The following USP28 variants were observed in gnomAD, a reference collection of about 807,000 sequenced individuals.
The protein encoded by USP28 is ubiquitin specific peptidase 28.
In USP28, 113 loss-of-function variants were observed where a neutral mutation model predicts 145.0. That is an observed-to-expected ratio of 0.78 (90% CI 0.67 to 0.91). The LOEUF (loss-of-function observed/expected upper bound fraction) is 0.91, where lower values mean the gene tolerates loss of function less well. Among genes scored for constraint, USP28 ranks in the 40% least tolerant of loss-of-function variants. The pLI is 0.00. For missense variants in USP28, 1,201 were observed against 1,289.6 expected (o/e 0.93, Z 1.05); for synonymous variants, 447 against 450.9 (o/e 0.99, Z 0.11).
chr11:113,824,354 G>A (rs913493107), intron 11 of USP28, among the ~76,000 whole-genome samples: 5 of 151,886 alleles, frequency 3.3e-5, no homozygotes, highest in Non-Finnish European at 5.9e-5. Flanking sequence ...AGTCTCACTC[G>A]TCACCCAGGC....
chr11:113,869,874 A>C (rs1490841375), intron 1 of USP28, among the ~76,000 whole-genome samples: 1 of 152,136 alleles, frequency 6.6e-6, no homozygotes, highest in African/African-American at 2.4e-5. Flanking sequence ...CAGGATTAGA[A>C]ATGTAGATTT....
chr11:113,856,595 T>G (rs552100713), intron 1 of USP28, among the ~76,000 whole-genome samples: 111 of 152,350 alleles, frequency 7.3e-4, no homozygotes, highest in African/African-American at 2.6e-3. Flanking sequence ...ACAAAGTTAC[T>G]GCTGATAAGG....
At chr11:113,874,603 G>A (rs1218672580) in intron 1 of USP28, 1 of 1,288,232 alleles carries the variant, frequency 7.8e-7, no homozygotes, top group Non-Finnish European at 1.0e-6. Context: ...CAGATTTCCC[G>A]TTTTCTCTTG....
chr11:113,826,336 C>CTTT lies in USP28; in HGVS notation c.1187+896_1187+897insAAA, dbSNP rs1565394775. Among the ~76,000 whole-genome samples, 131 of 115,192 alleles carry CTTT rather than the reference C, an allele frequency of 1.1e-3. 3 individuals carry two copies. Among genetic ancestry groups the CTTT allele is most frequent in the African/African-American group, 4.1e-3 (129 of 31,712 alleles). 75.6% of individuals were successfully genotyped at this position (115,192 alleles called of 152,430 possible). On this transcript the variant is annotated intron_variant, in intron 11 of 24. Transcript: ENST00000003302. ...GAAAAGAAAATCAAGCCACCACACC[C>CTTT]ATTTTTTTTTTTTTTTTTTTTTTTT...
At chr11:113,808,516 T>C in intron 17 of USP28, 79 bp from the exon 18 acceptor site, 3 of 1,505,542 alleles carry the variant, frequency 2.0e-6, no homozygotes, top group Non-Finnish European at 2.7e-6. Context: ...AAGCAGAATG[T>C]ATACAGTTTA....
chr11:113,797,961 A>G (rs1028054981), exon 25 of USP28: 4 of 152,338 alleles, frequency 2.6e-5, no homozygotes, highest in African/African-American at 9.7e-5. Context: ...AATCTTTAAA[A>G]TTTGGTTAAA....
intron 1 of USP28, among the ~76,000 whole-genome samples, chr11:113,857,303 T>G (rs1467477214): frequency 6.6e-6 from 1 of 152,188 alleles, no homozygotes; most frequent in Non-Finnish European, 1.5e-5. Context: ...CCCTTCTGGG[T>G]TGCATAAAGC....
chr11:113,859,963 T>C (rs1352303450), intron 1 of USP28, among the ~76,000 whole-genome samples: 2 of 152,200 alleles, frequency 1.3e-5, no homozygotes, highest in Non-Finnish European at 2.9e-5. Flanking sequence ...TGCTACTCAG[T>C]GGTTTTGGTG....
At chr11:113,855,615 T>C (rs986684555) in intron 1 of USP28, among the ~76,000 whole-genome samples, 2 of 152,078 alleles carry the variant, frequency 1.3e-5, no homozygotes, top group Admixed American at 1.3e-4. Context: ...AACTGAAACA[T>C]CCCTCTAAAG....
chr11:113,826,773 G>C (rs919364940), intron 11 of USP28, among the ~76,000 whole-genome samples: 17 of 151,896 alleles, frequency 1.1e-4, no homozygotes, highest in Non-Finnish European at 1.5e-5. Context: ...TATAAAATTA[G>C]CCGGGTGTGG....
At chr11:113,855,362 T>C (rs1388420107) in intron 1 of USP28, among the ~76,000 whole-genome samples, 3 of 152,218 alleles carry the variant, frequency 2.0e-5, no homozygotes, top group African/African-American at 7.2e-5. Context: ...AACAACTGGC[T>C]GGCCCAACTT....
exon 25 of USP28, chr11:113,798,029 C>T (rs1404372147): frequency 6.9e-6 from 1 of 144,596 alleles, no homozygotes; most frequent in Non-Finnish European, 1.5e-5. Flanking sequence ...TTTTTCTCTA[C>T]ATATACATAT....
At chr11:113,801,976 AC>A (rs1939112530) in intron 23 of USP28, among the ~76,000 whole-genome samples, 1 of 152,160 alleles carries the variant, frequency 6.6e-6, no homozygotes. Flanking sequence ...TCAACCAAAG[AC>A]CTGTTCACTG....
chr11:113,866,287 G>A (rs1196616491), intron 1 of USP28, among the ~76,000 whole-genome samples: 2 of 151,976 alleles, frequency 1.3e-5, no homozygotes, highest in African/African-American at 4.8e-5. Context: ...GCCAGACTCT[G>A]TCTTGGGGAA....
intron 1 of USP28, among the ~76,000 whole-genome samples, chr11:113,873,457 G>C (rs1337009526): frequency 6.6e-6 from 1 of 152,126 alleles, no homozygotes; most frequent in Non-Finnish European, 1.5e-5. Flanking sequence ...ACATACAAAT[G>C]CTCATCAAGT....
intron 1 of USP28, among the ~76,000 whole-genome samples, chr11:113,869,469 A>G (rs1217833660): frequency 6.6e-6 from 1 of 152,030 alleles, no homozygotes; most frequent in Non-Finnish European, 1.5e-5. Context: ...GTGGTGGTGC[A>G]TACCTGTGGT....
At chr11:113,849,331 G>A (rs898016819) in intron 3 of USP28, among the ~76,000 whole-genome samples, 13 of 152,228 alleles carry the variant, frequency 8.5e-5, no homozygotes, top group Admixed American at 6.5e-4. Flanking sequence ...GCAGTTCCAA[G>A]GTGAATGGAC....
intron 3 of USP28, among the ~76,000 whole-genome samples, chr11:113,847,721 G>A (rs1946032657): frequency 6.6e-6 from 1 of 152,072 alleles, no homozygotes. Context: ...GCTAAATATA[G>A]AATTATCATA....
At chr11:113,849,726 A>G (rs1946259064) in intron 3 of USP28, among the ~76,000 whole-genome samples, 1 of 152,188 alleles carries the variant, frequency 6.6e-6, no homozygotes, top group South Asian at 2.1e-4. Context: ...ACAAAACGCC[A>G]ATAAGAACTG....
Sources: gnomAD v4.1 joint callset for allele counts (sites outside exome capture counted in the v4.1 genomes callset) on GRCh38, gnomAD v4.1.1 for gene constraint, MANE v1.5 for transcripts, NCBI Gene and HGNC (gene_info 2026-07-23, HGNC 2026-07-21) for gene names.